The following DCC variants were observed in gnomAD, a reference collection of about 807,000 sequenced individuals.
DCC encodes DCC netrin 1 receptor, also known as netrin receptor DCC.
In DCC, 58 loss-of-function variants were observed where a neutral mutation model predicts 172.5. The ratio of observed to expected loss-of-function variants is 0.34; its 90% CI spans 0.27 to 0.42. The LOEUF (loss-of-function observed/expected upper bound fraction) is 0.42. DCC is among the 10% of genes least tolerant of loss of function. The pLI is 1.00. For missense variants in DCC, 1,740 were observed against 1,791.0 expected (o/e 0.97, Z 0.51); for synonymous variants, 709 against 644.5 (o/e 1.10, Z -1.52).
At chr18:52,489,040 A>AC (rs1331687935) in intron 1 of DCC, among the ~76,000 whole-genome samples, 1 of 152,056 alleles carries the variant, frequency 6.6e-6, no homozygotes, top group Non-Finnish European at 1.5e-5. Context: ...CCTGATACAC[A>AC]CATCGATCTC....
intron 27 of DCC, among the ~76,000 whole-genome samples, chr18:53,521,069 C>G (rs2046393931): frequency 6.6e-6 from 1 of 151,944 alleles, no homozygotes; most frequent in African/African-American, 2.4e-5. Context: ...CGATGAGCTC[C>G]AAGAGCCCTC....
chr18:52,973,918 T>C (rs1335489918), intron 5 of DCC, among the ~76,000 whole-genome samples: 4 of 152,178 alleles, frequency 2.6e-5, no homozygotes, highest in Non-Finnish European at 5.9e-5. Context: ...ATTCATTGAA[T>C]GTTTTCTCCT....
chr18:52,634,731 G>A (rs138638812), intron 1 of DCC, among the ~76,000 whole-genome samples: 69 of 152,156 alleles, frequency 4.5e-4, no homozygotes, highest in African/African-American at 7.5e-4. Context: ...TCTCTGTGTC[G>A]TATTTCTTTG....
At chr18:52,726,538 C>A (rs2036554527) in intron 1 of DCC, among the ~76,000 whole-genome samples, 1 of 152,212 alleles carries the variant, frequency 6.6e-6, no homozygotes, top group African/African-American at 2.4e-5. Flanking sequence ...TATTTATATA[C>A]TTCTCCCTTC....
At chr18:53,513,732 C>G (rs79260908) in intron 27 of DCC, among the ~76,000 whole-genome samples, 136,104 of 149,936 alleles carry the variant, frequency 0.91, 61,961 homozygotes, top group African/African-American at 0.97. Flanking sequence ...TTACATAATG[C>G]TAAAGGGATC....
intron 12 of DCC, among the ~76,000 whole-genome samples, chr18:53,241,560 A>C (rs1375801570): frequency 1.3e-5 from 2 of 152,110 alleles, no homozygotes; most frequent in Non-Finnish European, 2.9e-5. Flanking sequence ...CTGCACACTG[A>C]GAGTGGAGAA....
At chr18:52,473,331 A>G (rs1988999724) in intron 1 of DCC, among the ~76,000 whole-genome samples, 1 of 152,194 alleles carries the variant, frequency 6.6e-6, no homozygotes, top group South Asian at 2.1e-4. Context: ...AGGATTCTAA[A>G]CAATTGTTTG....
chr18:53,288,654 A>G (rs1383066671), intron 12 of DCC, among the ~76,000 whole-genome samples: 2 of 152,164 alleles, frequency 1.3e-5, no homozygotes, highest in African/African-American at 4.8e-5. Context: ...TTGTTAATCA[A>G]TTAGATGCAG....
chr18:52,745,193 T>C (rs746644411), intron 1 of DCC, among the ~76,000 whole-genome samples: 10 of 152,206 alleles, frequency 6.6e-5, no homozygotes, highest in Admixed American at 6.5e-4. Context: ...TTGAAATAAG[T>C]GTTCAATTAT....
intron 1 of DCC, among the ~76,000 whole-genome samples, chr18:52,574,028 A>C (rs895503263): frequency 6.6e-6 from 1 of 152,178 alleles, no homozygotes; most frequent in East Asian, 1.9e-4. Flanking sequence ...TAAGTCCAAC[A>C]CACATCTGTA....
chr18:53,154,826 C>T (rs2054702796), intron 7 of DCC, among the ~76,000 whole-genome samples: 1 of 152,072 alleles, frequency 6.6e-6, no homozygotes, highest in South Asian at 2.1e-4. Flanking sequence ...AGAATAAATT[C>T]ACTCCAGTGT....
At chr18:53,221,734 C>G (rs1353805293) in intron 12 of DCC, among the ~76,000 whole-genome samples, 1 of 151,806 alleles carries the variant, frequency 6.6e-6, no homozygotes, top group Non-Finnish European at 1.5e-5. Flanking sequence ...AGAAATAAAA[C>G]AGTTTTCCAT....
chr18:52,588,472 T>C (rs2033725929), intron 1 of DCC, among the ~76,000 whole-genome samples: 1 of 152,214 alleles, frequency 6.6e-6, no homozygotes, highest in South Asian at 2.1e-4. Flanking sequence ...ATATTGGGCT[T>C]ACACTAGAGA....
intron 5 of DCC, among the ~76,000 whole-genome samples, chr18:52,961,109 T>G (rs1461053946): frequency 1.3e-5 from 2 of 152,064 alleles, no homozygotes; most frequent in Non-Finnish European, 2.9e-5. Context: ...AGAAGTTATT[T>G]CTAAAGAAAG....
intron 25 of DCC, among the ~76,000 whole-genome samples, chr18:53,483,951 A>C (rs2045868387): frequency 7.1e-6 from 1 of 140,450 alleles, no homozygotes; most frequent in Non-Finnish European, 1.5e-5. Flanking sequence ...ACCTTTGCCT[A>C]TGTTTGCATA....
At chr18:52,557,767 C>T (rs879846092) in intron 1 of DCC, among the ~76,000 whole-genome samples, 4 of 152,188 alleles carry the variant, frequency 2.6e-5, no homozygotes, top group African/African-American at 4.8e-5. Flanking sequence ...TGAAGCCATT[C>T]TCATGCCTCA....
intron 7 of DCC, among the ~76,000 whole-genome samples, chr18:53,083,888 T>C (rs922836366): frequency 6.6e-6 from 1 of 152,156 alleles, no homozygotes; most frequent in Non-Finnish European, 1.5e-5. Context: ...AGGATAAACA[T>C]GAATGCGGTG....
At chr18:53,000,573 T>A (rs550551566) in intron 5 of DCC, among the ~76,000 whole-genome samples, 3 of 147,070 alleles carry the variant, frequency 2.0e-5, no homozygotes, top group Non-Finnish European at 3.0e-5. Flanking sequence ...GTTTAGGATA[T>A]CAGCTTACAT....
chr18:52,937,463 C>T (rs1177732767), intron 5 of DCC, among the ~76,000 whole-genome samples: 2 of 152,010 alleles, frequency 1.3e-5, no homozygotes, highest in Non-Finnish European at 2.9e-5. Flanking sequence ...GTTTAATGGA[C>T]AATTTATGCT....
Sources: gnomAD v4.1 joint callset for allele counts (sites outside exome capture counted in the v4.1 genomes callset) on GRCh38, gnomAD v4.1.1 for gene constraint, MANE v1.5 for transcripts, NCBI Gene and HGNC (gene_info 2026-07-23, HGNC 2026-07-21) for gene names.